The following CNBD1 variants were observed in gnomAD, a reference collection of about 807,000 sequenced individuals.
CNBD1 encodes the protein cyclic nucleotide binding domain containing 1, also known as cyclic nucleotide-binding domain-containing protein 1.
A neutral mutation model predicts 54.4 loss-of-function variants in CNBD1; 71 were observed. The observed-to-expected ratio is 1.30, with a 90% CI of 1.08 to 1.59. The LOEUF (loss-of-function observed/expected upper bound fraction) is 1.59. Ranked by LOEUF, CNBD1 falls within the 40% of genes most tolerant of loss-of-function variation. The pLI, the probability that CNBD1 is intolerant of heterozygous loss-of-function variation, is 0.00. For missense variants in CNBD1, 659 were observed against 518.0 expected (o/e 1.27, Z -2.64); for synonymous variants, 182 against 170.7 (o/e 1.07, Z -0.51).
intron 4 of CNBD1, among the ~76,000 whole-genome samples, chr8:87,128,407 G>C (rs144454855): frequency 1.3e-5 from 2 of 152,270 alleles, no homozygotes; most frequent in East Asian, 1.9e-4. Flanking sequence ...GCTCCCTCTC[G>C]TGAAGGGGGT....
At chr8:86,894,602 G>A (rs1341961529) in intron 2 of CNBD1, among the ~76,000 whole-genome samples, 3 of 151,972 alleles carry the variant, frequency 2.0e-5, no homozygotes, top group East Asian at 1.9e-4. Context: ...ATAATGACAT[G>A]GAACAACCAT....
chr8:87,254,511 C>A lies in CNBD1; in HGVS notation c.771+17399C>A, dbSNP rs113014426. On this transcript the variant is annotated intron_variant, in intron 6 of 10. Coordinates refer to ENST00000518476, the MANE Select transcript of CNBD1 (RefSeq NM_173538.3). The stretch of plus-strand genomic sequence containing the variant: ...TCCAAGTGGTATCAACTGCTCTTCC[C>A]TCTCTGGGTTTTGGTTTCAATGTAG... 8.5e-4 allele frequency among the ~76,000 whole-genome samples: 129 copies of A among 152,210 alleles called. 1 individual carries two copies. The highest frequency in any genetic ancestry group is 3.1e-3 in the African/African-American group (127 of 41,544).
chr8:86,927,099 A>C (rs1017304305), intron 3 of CNBD1, among the ~76,000 whole-genome samples: 15 of 152,116 alleles, frequency 9.9e-5, no homozygotes, highest in African/African-American at 3.1e-4. Context: ...AACTGGTTGT[A>C]TATGTTAAAG....
At chr8:87,363,003 T>C (rs1418623337) in intron 10 of CNBD1, among the ~76,000 whole-genome samples, 1 of 151,988 alleles carries the variant, frequency 6.6e-6, no homozygotes, top group Non-Finnish European at 1.5e-5. Context: ...ATCCCTCCTC[T>C]AGTACGCCCC....
At chr8:86,879,723 T>A (rs549546882) in intron 1 of CNBD1, among the ~76,000 whole-genome samples, 2 of 152,062 alleles carry the variant, frequency 1.3e-5, no homozygotes, top group East Asian at 1.9e-4. Context: ...TACAAAAAAA[T>A]TAGCTGGACA....
intron 4 of CNBD1, among the ~76,000 whole-genome samples, chr8:87,142,053 T>A (rs1166349338): frequency 6.6e-6 from 1 of 152,202 alleles, no homozygotes; most frequent in African/African-American, 2.4e-5. Context: ...GACACTAGTC[T>A]TTCACTTGAA....
intron 2 of CNBD1, 112 bp downstream of exon 2, chr8:86,887,723 A>T: frequency 1.4e-6 from 1 of 727,662 alleles, no homozygotes; most frequent in East Asian, 2.8e-5. Context: ...TACCTGATTT[A>T]TCACACAGAT....
chr8:86,901,099 TA>T (rs529552207), intron 2 of CNBD1, among the ~76,000 whole-genome samples: 83 of 152,272 alleles, frequency 5.5e-4, no homozygotes, highest in Non-Finnish European at 8.7e-4. Context: ...GGCCTAATGT[TA>T]AATACACTGA....
intron 2 of CNBD1, among the ~76,000 whole-genome samples, chr8:87,410,706 C>T (rs1213337096): frequency 6.6e-6 from 1 of 152,054 alleles, no homozygotes; most frequent in East Asian, 1.9e-4. Flanking sequence ...GGGTAAAATG[C>T]CATCAAACAG....
At chr8:87,372,060 A>T (rs1192382008) in intron 10 of CNBD1, among the ~76,000 whole-genome samples, 1 of 152,056 alleles carries the variant, frequency 6.6e-6, no homozygotes, top group Non-Finnish European at 1.5e-5. Context: ...CCCTGTTTGC[A>T]GACGACATGA....
chr8:87,004,056 A>G (rs183762856), intron 4 of CNBD1, among the ~76,000 whole-genome samples: 1 of 152,312 alleles, frequency 6.6e-6, no homozygotes, highest in Admixed American at 6.5e-5. Flanking sequence ...GACATACCGT[A>G]TATATATATG....
At chr8:87,390,101 G>C (rs1324362918) in intron 2 of CNBD1, among the ~76,000 whole-genome samples, 7 of 151,078 alleles carry the variant, frequency 4.6e-5, no homozygotes, top group Non-Finnish European at 1.0e-4. Context: ...ATTAATTCAA[G>C]ATGGATTAAA....
At chr8:87,404,606 C>A (rs1010601306) in intron 2 of CNBD1, among the ~76,000 whole-genome samples, 1 of 152,032 alleles carries the variant, frequency 6.6e-6, no homozygotes, top group African/African-American at 2.4e-5. Context: ...AGAAGTGGTT[C>A]TTTTTGTTCG....
chr8:87,385,082 G>A (rs1333464692), downstream of CNBD1, among the ~76,000 whole-genome samples: 3 of 152,194 alleles, frequency 2.0e-5, no homozygotes, highest in Non-Finnish European at 4.4e-5. Context: ...GACAAGGACT[G>A]AAGTGAGATC....
At chr8:87,419,586 C>A (rs1007416539) in intron 2 of CNBD1, among the ~76,000 whole-genome samples, 1 of 151,726 alleles carries the variant, frequency 6.6e-6, no homozygotes, top group African/African-American at 2.4e-5. Context: ...TGTTGTATAG[C>A]CCAACAGTGG....
At chr8:87,275,532 C>T (rs1040705826) in intron 6 of CNBD1, among the ~76,000 whole-genome samples, 1 of 151,598 alleles carries the variant, frequency 6.6e-6, no homozygotes, top group Non-Finnish European at 1.5e-5. Context: ...ACACTTCATG[C>T]TAAAAACTCT....
intron 8 of CNBD1, among the ~76,000 whole-genome samples, chr8:87,328,375 T>C (rs1370047149): frequency 6.6e-6 from 1 of 151,940 alleles, no homozygotes; most frequent in Admixed American, 6.6e-5. Flanking sequence ...ATTTAATATT[T>C]AATACTTTAA....
At chr8:87,343,274 A>G (rs1164578315) in intron 8 of CNBD1, among the ~76,000 whole-genome samples, 6 of 152,132 alleles carry the variant, frequency 3.9e-5, no homozygotes, top group Admixed American at 3.9e-4. Flanking sequence ...TTACGGTCAG[A>G]TTTCATGTTG....
At position 87,031,253 on chromosome 8, in the gene CNBD1, G is replaced by GT. The variant is rs149721926; in HGVS notation, c.431+91500dup. On this transcript the variant is annotated intron_variant, in intron 4 of 10. Coordinates refer to ENST00000518476, the MANE Select transcript of CNBD1 (RefSeq NM_173538.3). ...TGAAGGCAGTGTGTCTTAAACACAAGTAACATTTTTGCAAAAAGCACTTAA... is the reference window on the plus strand; with the variant it reads ...TGAAGGCAGTGTGTCTTAAACACAAGTTAACATTTTTGCAAAAAGCACTTAA... Among the ~76,000 whole-genome samples the GT allele has an allele frequency of 3.4e-3, 514 of 151,994 alleles. 4 individuals are homozygous for GT. The highest frequency in any genetic ancestry group is 0.012 in the African/African-American group (490 of 41,468).
Sources: gnomAD v4.1 joint callset for allele counts (sites outside exome capture counted in the v4.1 genomes callset) on GRCh38, gnomAD v4.1.1 for gene constraint, MANE v1.5 for transcripts, NCBI Gene and HGNC (gene_info 2026-07-23, HGNC 2026-07-21) for gene names.